Variants in PLEKHG1 observed in about 807,000 individuals in gnomAD.
The protein encoded by PLEKHG1 is pleckstrin homology and RhoGEF domain containing G1, also known as pleckstrin homology domain-containing family G member 1.
In PLEKHG1, 44 loss-of-function variants were observed where a neutral mutation model predicts 100.8. The ratio of observed to expected loss-of-function variants is 0.44; its 90% confidence interval spans 0.34 to 0.56. PLEKHG1 has a LOEUF of 0.56. PLEKHG1 is among the 20% of genes least tolerant of loss of function. The probability of loss-of-function intolerance (pLI) is 0.01; values close to 1 mark genes in which losing one functional copy is unlikely to be tolerated. For synonymous variants in PLEKHG1, 640 were observed against 662.5 expected (o/e 0.97, Z 0.52); for missense variants, 1,545 against 1,720.9 (o/e 0.90, Z 1.81).
chr6:150,703,186 C>T (rs76363851), intron 3 of PLEKHG1, among the ~76,000 whole-genome samples: 1 of 151,832 alleles, frequency 6.6e-6, no homozygotes, highest in South Asian at 2.1e-4. Context: ...CACTTCTCTC[C>T]TTCCTAACTC....
chr6:150,656,121 TA>T (rs372257546), intron 3 of PLEKHG1, among the ~76,000 whole-genome samples: 17 of 146,596 alleles, frequency 1.2e-4, no homozygotes, highest in Non-Finnish European at 2.3e-4. Flanking sequence ...AATCAACCAA[TA>T]AAAAAAAAAC....
chr6:150,841,293 C>G (rs1777522568), exon 16 of PLEKHG1: 1 of 279,928 alleles, frequency 3.6e-6, no homozygotes, highest in Non-Finnish European at 6.9e-6. Context: ...GAGACTTTTT[C>G]ACATTTTAAA....
exon 2 of PLEKHG1, chr6:150,733,842 T>G: frequency 6.2e-7 from 1 of 1,614,140 alleles, no homozygotes; most frequent in Admixed American, 1.7e-5. Context: ...GCCATAAAAC[T>G]GGAGCTGATT....
At chr6:150,704,975 C>A (rs1352588037) in intron 3 of PLEKHG1, among the ~76,000 whole-genome samples, 1 of 152,216 alleles carries the variant, frequency 6.6e-6, no homozygotes, top group African/African-American at 2.4e-5. Context: ...GAGCCCCACC[C>A]TTATGACCTC....
At chr6:150,711,568 T>C (rs1276092496) in intron 3 of PLEKHG1, among the ~76,000 whole-genome samples, 2 of 152,136 alleles carry the variant, frequency 1.3e-5, no homozygotes, top group African/African-American at 4.8e-5. Context: ...CTTGGTGAGA[T>C]GTTGTAAGTG....
chr6:150,786,410 A>T (rs1785624837), exon 4 of PLEKHG1: 1 of 1,612,938 alleles, frequency 6.2e-7, no homozygotes, highest in Non-Finnish European at 8.5e-7. Context: ...CAAGATTTGG[A>T]AAACTGTGAA....
intron 10 of PLEKHG1, among the ~76,000 whole-genome samples, chr6:150,813,161 T>C (rs368078693): frequency 6.9e-4 from 105 of 151,950 alleles, no homozygotes; most frequent in Admixed American, 1.6e-3. Flanking sequence ...AAAAATTAGC[T>C]AGGCGTGGTG....
At chr6:150,636,611 C>T (rs1159221209) in intron 1 of PLEKHG1, among the ~76,000 whole-genome samples, 1 of 151,980 alleles carries the variant, frequency 6.6e-6, no homozygotes, top group African/African-American at 2.4e-5. Flanking sequence ...TGTTTATACC[C>T]TTGCTTTCAT....
intron 1 of PLEKHG1, among the ~76,000 whole-genome samples, chr6:150,601,237 C>T (rs919363794): frequency 1.3e-5 from 2 of 152,162 alleles, no homozygotes; most frequent in African/African-American, 4.8e-5. Flanking sequence ...AGACAGCATA[C>T]TTCTAAAAAA....
At chr6:150,781,580 A>T (rs577544067) in intron 3 of PLEKHG1, among the ~76,000 whole-genome samples, 2 of 152,138 alleles carry the variant, frequency 1.3e-5, no homozygotes, top group Non-Finnish European at 2.9e-5. Context: ...TAAAATTAAA[A>T]GAGCGCTGGC....
At chr6:150,824,351 A>G (rs1156567095) in intron 14 of PLEKHG1, among the ~76,000 whole-genome samples, 1 of 152,162 alleles carries the variant, frequency 6.6e-6, no homozygotes, top group Non-Finnish European at 1.5e-5. Context: ...ATTCTTAGAG[A>G]ACTGATCATG....
intron 10 of PLEKHG1, among the ~76,000 whole-genome samples, chr6:150,812,767 G>C (rs1243110744): frequency 6.6e-6 from 1 of 152,098 alleles, no homozygotes; most frequent in African/African-American, 2.4e-5. Context: ...CTCACTTCTT[G>C]TTGGAACGGG....
At chr6:150,654,649 C>T (rs1038531694) in intron 3 of PLEKHG1, among the ~76,000 whole-genome samples, 1 of 152,206 alleles carries the variant, frequency 6.6e-6, no homozygotes, top group Non-Finnish European at 1.5e-5. Flanking sequence ...AAGGCATGCT[C>T]AAGAAGGAAA....
At chr6:150,631,926 CG>C (rs1192937203) in intron 1 of PLEKHG1, among the ~76,000 whole-genome samples, 1 of 152,130 alleles carries the variant, frequency 6.6e-6, no homozygotes, top group East Asian at 1.9e-4. Flanking sequence ...TGTCCTGCCC[CG>C]GGGGCTGGCT....
chr6:150,717,937 G>A (rs1781504690), upstream of PLEKHG1, among the ~76,000 whole-genome samples: 3 of 152,212 alleles, frequency 2.0e-5, no homozygotes, highest in South Asian at 6.2e-4. Flanking sequence ...AATTAGCTGG[G>A]TGTGGTGGTG....
intron 1 of PLEKHG1, among the ~76,000 whole-genome samples, chr6:150,634,592 T>C (rs1254660031): frequency 1.3e-5 from 2 of 152,158 alleles, no homozygotes; most frequent in Non-Finnish European, 2.9e-5. Context: ...AAAATAAACA[T>C]CTAAAATATT....
intron 7 of PLEKHG1, among the ~76,000 whole-genome samples, chr6:150,806,863 A>C (rs1438082804): frequency 6.6e-6 from 1 of 151,024 alleles, no homozygotes; most frequent in Non-Finnish European, 1.5e-5. Context: ...GAAATGAAAA[A>C]TTCTGGAAAT....
intron 1 of PLEKHG1, among the ~76,000 whole-genome samples, chr6:150,725,939 AAAG>A (rs1024475522): frequency 6.6e-6 from 1 of 152,156 alleles, no homozygotes; most frequent in African/African-American, 2.4e-5. Context: ...ACCATAAAAA[AAAG>A]AAGGAAATCC....
chr6:150,809,724 T>A, exon 10 of PLEKHG1: 1 of 1,612,844 alleles, frequency 6.2e-7, no homozygotes, highest in Non-Finnish European at 8.5e-7. Flanking sequence ...GCAGCCAAGA[T>A]TCCAGCTAAG....
Sources: gnomAD v4.1 joint callset for allele counts (sites outside exome capture counted in the v4.1 genomes callset) on GRCh38, gnomAD v4.1.1 for gene constraint, MANE v1.5 for transcripts, NCBI Gene and HGNC (gene_info 2026-07-23, HGNC 2026-07-21) for gene names.